Variants in PEX6 observed in about 807,000 individuals in gnomAD.
PEX6 encodes the protein peroxisomal biogenesis factor 6, also known as peroxisome biogenesis factor 6.
PEX6 carries 55 observed loss-of-function variants against 85.6 expected under a neutral mutation model. The ratio of observed to expected loss-of-function variants is 0.64; its 90% CI spans 0.52 to 0.80. The LOEUF is 0.80. PEX6 is among the 30% of genes least tolerant of loss of function. The probability of loss-of-function intolerance (pLI) is 0.00; values close to 1 mark genes in which losing one functional copy is unlikely to be tolerated. For synonymous variants in PEX6, 519 were observed against 549.1 expected (o/e 0.95, Z 0.77); for missense variants, 1,099 against 1,260.3 (o/e 0.87, Z 1.94).
intron 9 of PEX6, 21 bp downstream of exon 9, chr6:42,966,761 C>G: frequency 1.9e-6 from 3 of 1,613,988 alleles, no homozygotes; most frequent in East Asian, 2.2e-5. Flanking sequence ...TTCCGCCTTT[C>G]CGGTGCCCAC....
chr6:42,979,108 C>T lies in PEX6; in HGVS notation c.43G>A (p.Glu15Lys), dbSNP rs865786724. 7 of 1,565,432 alleles carry T rather than the reference C, an allele frequency of 4.5e-6. No individual in the cohort carries two copies. The highest frequency in any genetic ancestry group is 6.0e-6 in the Non-Finnish European group (7 of 1,164,388). Residue 15 changes from glutamate to lysine, a missense_variant, in exon 1 of 17, where the codon GAG (glutamate) becomes AAG (lysine). Transcript: ENST00000304611. ...AGCAGCACTGCCAACGGGGGTGTCT[C>T]GGTCGGAAAGGGCTCCAGGACCCGC... ...VLRVLEPFPT[E>K]TPPLAVLLPP... is the part of the protein sequence containing the mutation.
intron 7 of PEX6, 90 bp downstream of exon 7, chr6:42,968,200 T>C: frequency 9.0e-7 from 1 of 1,108,682 alleles, no homozygotes; most frequent in South Asian, 1.2e-5. Context: ...TCCACCTGCC[T>C]CGGCCTCCCA....
At chr6:42,969,076 A>G (rs1769959608) in intron 5 of PEX6, 91 bp from the exon 6 acceptor site, 7 of 896,286 alleles carry the variant, frequency 7.8e-6, no homozygotes, top group South Asian at 2.7e-5. Flanking sequence ...TAGAAAGCAG[A>G]TACCCTGTTT....
In PEX6 at chr6:42,966,354, G is replaced by A; in HGVS notation, c.2188C>T (p.Leu730=). The A allele has an allele frequency of 6.2e-7, 1 of 1,613,954 alleles. No homozygotes were observed. Residue 730 remains leucine (L), a synonymous_variant, in exon 11 of 17, where the codon CTA becomes TTA. Coordinates refer to ENST00000304611, the MANE Select transcript of PEX6 (RefSeq NM_000287.4). Reference sequence around the variant, plus strand: ...GAGCGTCTCAGGCCCAGGCTCAGTAGCTCAGGGTGCTCCAGGGGGAGCTGA... The same window carrying A: ...GAGCGTCTCAGGCCCAGGCTCAGTAACTCAGGGTGCTCCAGGGGGAGCTGA... ...TIQLPLEHPE[L]LSLGLRRSGL...
rs2274514 is a variant in PEX6 at position 42,966,762 on chromosome 6, C to T, written c.1961+20G>A. 0.52 allele frequency: 845,828 copies of T among 1,613,236 alleles called. 227,794 individuals are homozygous for T. The highest frequency in any genetic ancestry group is 0.74 in the African/African-American group (55,013 of 74,844). ...CATCCATTTCCTCTTTCCGCCTTTC[C>T]GGTGCCCACGTCCTCTTACCCTGAG... On this transcript the variant is annotated intron_variant, in intron 9 of 16. Coordinates refer to ENST00000304611, the MANE Select transcript of PEX6 (RefSeq NM_000287.4).
At chr6:42,972,652 C>A (rs1770103301) in intron 3 of PEX6, among the ~76,000 whole-genome samples, 2 of 152,064 alleles carry the variant, frequency 1.3e-5, no homozygotes, top group South Asian at 4.2e-4. Context: ...CACCTGTAGT[C>A]CCAGCTACTT....
At chr6:42,976,138 T>C (rs113493169) in intron 1 of PEX6, among the ~76,000 whole-genome samples, 15,883 of 151,866 alleles carry the variant, frequency 0.1, 1,372 homozygotes, top group African/African-American at 0.24. Context: ...GTGATCTGCC[T>C]GCCTTGGCCT....
In PEX6 at chr6:42,978,740, C is replaced by G; in HGVS notation, c.411G>C (p.Arg137=). The change falls in exon 1 of 17, where the codon CGG becomes CGC. Residue 137 remains arginine, a synonymous_variant. Transcript: ENST00000304611. ...GCAACGCCGGCCGCGTCTCCAGCAC[C>G]CGCGGTCCGGGCACTGGGAGGGTCT... The part of the protein sequence containing the change: ...RGETLPVPGP[R]VLETRPALQG... 1 of 1,537,092 alleles carries G rather than the reference C, an allele frequency of 6.5e-7. No homozygotes were observed. The highest frequency in any genetic ancestry group is 1.2e-5 in the South Asian group (1 of 84,272).
chr6:42,966,915 G>A (rs1430461821), intron 8 of PEX6, 57 bp from the exon 9 acceptor site: 2 of 1,347,102 alleles, frequency 1.5e-6, no homozygotes, highest in African/African-American at 2.9e-5. Context: ...GAACCTTCAG[G>A]GACCGTCCCC....
chr6:42,976,767 T>C (rs2150237636), intron 1 of PEX6, among the ~76,000 whole-genome samples: 1 of 152,292 alleles, frequency 6.6e-6, no homozygotes, highest in East Asian at 1.9e-4. Context: ...GGAACAACTA[T>C]TATCTGTTCT....
Position 42,978,999 on chromosome 6 carries a change from G to A in PEX6, c.152C>T (p.Ala51Val). Residue 51 changes from alanine to valine, a missense_variant, in exon 1 of 17, where the codon GCG becomes GTG. Coordinates refer to ENST00000304611, the MANE Select transcript of PEX6 (RefSeq NM_000287.4). ...CCCCTCCAGGGCTGCCACCAGCAGCGCCGGCCCTGCCGGGCTCTCCCCTGC... is the reference window on the plus strand; with the variant it reads ...CCCCTCCAGGGCTGCCACCAGCAGCACCGGCCCTGCCGGGCTCTCCCCTGC... ...RPAGESPAGP[A>V]LLVAALEGPD... The A allele has an allele frequency of 6.6e-7, 1 of 1,512,962 alleles. No individual in the cohort carries two copies. The allele number at this position is 1,512,962 out of a possible 1,614,324, so 93.7% of individuals were successfully genotyped here. A position where few individuals can be genotyped will look rare whatever the true frequency, so the allele number is the denominator to read the frequency against.
chr6:42,964,252 G>A lies in PEX6; in HGVS notation c.*83C>T, dbSNP rs1769627312. ...GGTGGGTTGGCAGCAGCCTGAGGAG[G>A]AGCCCTTCCTTCCCAGATCTCTCTG... On this transcript the variant is annotated 3_prime_UTR_variant, in exon 17 of 17. Transcript: ENST00000304611. This position sits in a 1 kb window ranked among gnomAD's most constrained non-coding sequence, Gnocchi z 4.6. 2 of 1,549,138 alleles carry A rather than the reference G, an allele frequency of 1.3e-6. No individual in the cohort carries two copies. Among genetic ancestry groups the A allele is most frequent in the East Asian group, 2.3e-5 (1 of 44,248 alleles).
At chr6:42,978,225 T>G in intron 1 of PEX6, 44 bp downstream of exon 1, 1 of 1,597,132 alleles carries the variant, frequency 6.3e-7, no homozygotes, top group East Asian at 2.2e-5. Context: ...GAGAAGAGGG[T>G]ATAAGAAAGA....
intron 1 of PEX6, 144 bp downstream of exon 1, chr6:42,978,125 G>C: frequency 4.0e-6 from 4 of 999,696 alleles, no homozygotes; most frequent in East Asian, 2.5e-5. Context: ...GATTACAGGC[G>C]TGAGTCACCG....
At chr6:42,978,208 T>G in intron 1 of PEX6, 61 bp downstream of exon 1, 2 of 1,579,182 alleles carry the variant, frequency 1.3e-6, no homozygotes, top group East Asian at 4.5e-5. Flanking sequence ...CCAATTTACC[T>G]AAGACAGAGA....
At chr6:42,968,202 G>T in intron 7 of PEX6, 88 bp downstream of exon 7, 1 of 1,117,040 alleles carries the variant, frequency 9.0e-7, no homozygotes, top group Non-Finnish European at 1.4e-6. Context: ...CACCTGCCTC[G>T]GCCTCCCAAT....
At position 42,978,298 on chromosome 6, in the gene PEX6, G is replaced by C. The variant is rs61753220; in HGVS notation, c.853C>G (p.Pro285Ala). ...ATTCTGAGCTCTCCCATTTCCAGGGGGTCACAGCCAAGATTAAAAGCCAAA... is the reference window on the plus strand; with the variant it reads ...ATTCTGAGCTCTCCCATTTCCAGGGCGTCACAGCCAAGATTAAAAGCCAAA... ...ATLAFNLGCD[P>A]LEMGELRIQR... Residue 285 changes from proline (P) to alanine (A), a missense_variant, in exon 1 of 17, where the codon CCC becomes GCC. Coordinates refer to ENST00000304611, the MANE Select transcript of PEX6 (RefSeq NM_000287.4). 1,955 of 1,614,152 alleles carry C rather than the reference G, an allele frequency of 1.2e-3. 5 individuals are homozygous for C. The highest frequency in any genetic ancestry group is 2.8e-3 in the Admixed American group (171 of 60,020).
chr6:42,975,163 T>C (rs977596150), intron 1 of PEX6, 125 bp from the exon 2 acceptor site: 2 of 857,456 alleles, frequency 2.3e-6, no homozygotes, highest in Non-Finnish European at 3.9e-6. Context: ...TTGTGGAAGG[T>C]GGGGCCTGAG....
In PEX6 at chr6:42,966,857, C is replaced by T. The variant is rs765951566; in HGVS notation, c.1886G>A (p.Gly629Asp). The change falls in exon 9 of 17, where the codon GGC (glycine) becomes GAC (aspartate). Residue 629 changes from glycine to aspartate, a missense_variant and splice_region_variant. By Grantham distance (94) the Gly-to-Asp change is moderately conservative. Around this residue, in one of 3 missense-constraint regions of PEX6, gnomAD observed 514 missense variants for 627.0 expected, o/e 0.82. Transcript: ENST00000304611. ...NLAQLARRCA[G>D]FVVGDLYALL... ...GGCATAGAGATCCCCTACCACAAAG[C>T]CCTAGGGAACCACAGGAAAGGACAC... is the stretch of plus-strand genomic sequence containing the variant. 1 of 1,611,926 alleles carries T rather than the reference C, an allele frequency of 6.2e-7. No individual in the cohort carries two copies. The highest frequency in any genetic ancestry group is 8.5e-7 in the Non-Finnish European group (1 of 1,179,834).
Sources: allele counts gnomAD v4.1 joint callset (sites outside exome capture counted in the v4.1 genomes callset), GRCh38; gene constraint gnomAD v4.1.1; regional missense constraint gnomAD v4.1.1; non-coding constraint Gnocchi (gnomAD v3.1); transcripts MANE v1.5; gene names NCBI Gene and HGNC (gene_info 2026-07-23, HGNC 2026-07-21).